Variants in CCDC144A observed in about 807,000 individuals in gnomAD.
CCDC144A encodes the protein coiled-coil domain containing 144A.
CCDC144A carries 41 observed loss-of-function variants against 143.8 expected under a neutral mutation model. That is an observed-to-expected ratio of 0.29 (90% CI 0.22 to 0.37). The LOEUF (loss-of-function observed/expected upper bound fraction) is 0.37. CCDC144A is among the 10% of genes least tolerant of loss of function. CCDC144A has a pLI of 1.00. For synonymous variants in CCDC144A, 242 were observed against 517.9 expected (o/e 0.47, Z 7.23); for missense variants, 637 against 1,488.8 (o/e 0.43, Z 9.41).
At position 16,709,588 on chromosome 17, in the gene CCDC144A, G is replaced by A; in HGVS notation, c.1531G>A (p.Glu511Lys). The change falls in exon 5 of 17, where the codon GAA becomes AAA. Residue 511 changes from glutamate to lysine, a missense_variant. Transcript: ENST00000399273. ...TAAGAATGAGGTCAACACATTAGAA[G>A]AAGAGTTCCTGGCTTTGAAGAAAGA... ...KFKNEVNTLE[E>K]EFLALKKEDV... 1.9e-6 allele frequency: 3 copies of A among 1,611,586 alleles called. No individual in the cohort carries two copies. The highest frequency in any genetic ancestry group is 1.1e-5 in the South Asian group (1 of 90,936).
Position 16,730,558 on chromosome 17 carries a change from A to C in CCDC144A, c.2106-1242A>C, listed in dbSNP as rs1033666866. ...GGTATGTTAATAGGAATTGCATGGA[A>C]TCTGTAGATTGCTTTGGTTAATATG... On this transcript the variant is annotated intron_variant, in intron 9 of 16. Transcript: ENST00000399273. Among the ~76,000 whole-genome samples the C allele has an allele frequency of 2.3e-5, 3 of 129,380 alleles. 1 individual carries two copies. Among genetic ancestry groups the C allele is most frequent in the African/African-American group, 1.1e-4 (3 of 28,468 alleles). The allele number at this position is 129,380 out of a possible 152,430, so 84.9% of individuals were successfully genotyped here.
chr17:16,757,208 G>A (rs567516198), intron 12 of CCDC144A, among the ~76,000 whole-genome samples: 7 of 152,360 alleles, frequency 4.6e-5, no homozygotes, highest in East Asian at 1.9e-4. Context: ...GCTGGGGGCC[G>A]GACCTTGGAT....
chr17:16,677,492 G>C, the CCDC144A span, among the ~76,000 whole-genome samples: 1 of 152,062 alleles, frequency 6.6e-6, no homozygotes, highest in African/African-American at 2.4e-5. Context: ...AATTCCCTAT[G>C]TGATGGTCTT....
chr17:16,735,085 T>C lies in CCDC144A; in HGVS notation c.2814T>C (p.Leu938=). The C allele has an allele frequency of 6.3e-7, 1 of 1,592,164 alleles. No homozygotes were observed. Among genetic ancestry groups the C allele is most frequent in the Middle Eastern group, 2.2e-4 (1 of 4,538 alleles). ...GTCAGACAGCAAGAGACCTAAAACT[T>C]GATTTCCAGAGAACAAGACAAGAGT... The part of the protein sequence containing the change: ...DQSQTARDLK[L]DFQRTRQEWV... The change falls in exon 12 of 17, where the codon CTT becomes CTC. Residue 938 remains leucine, a synonymous_variant. Transcript: ENST00000399273.
chr17:16,729,137 C>T (rs892212242), intron 9 of CCDC144A, among the ~76,000 whole-genome samples: 2 of 152,046 alleles, frequency 1.3e-5, no homozygotes, highest in Admixed American at 1.3e-4. Context: ...AATGGTAGCT[C>T]TATTTTAGTT....
At chr17:16,725,002 A>ATTTTTT (rs1167527388) in intron 8 of CCDC144A, among the ~76,000 whole-genome samples, 89 of 37,282 alleles carry the variant, frequency 2.4e-3, no homozygotes, top group East Asian at 7.0e-3. Flanking sequence ...ATAGCTGGTA[A>ATTTTTT]TTTTTTTTTT....
intron 6 of CCDC144A, among the ~76,000 whole-genome samples, chr17:16,719,520 A>G (rs2143175077): frequency 6.6e-6 from 1 of 152,314 alleles, no homozygotes; most frequent in Non-Finnish European, 1.5e-5. Context: ...ATCATGAAGC[A>G]CATGTTTTTG....
intron 12 of CCDC144A, chr17:16,746,055 G>A: frequency 6.2e-7 from 1 of 1,609,614 alleles, no homozygotes; most frequent in African/African-American, 1.3e-5. Flanking sequence ...GCTGTGTGAC[G>A]TCTCCTGGGG....
At chr17:16,767,467 G>A (rs1374507831) in intron 15 of CCDC144A, among the ~76,000 whole-genome samples, 12 of 148,622 alleles carry the variant, frequency 8.1e-5, no homozygotes, top group Non-Finnish European at 1.8e-4. Flanking sequence ...ATACAAGGAG[G>A]AGGAGGTAAC....
At chr17:16,770,147 TTTATTA>T (rs1188985613) in intron 15 of CCDC144A, among the ~76,000 whole-genome samples, 1 of 151,316 alleles carries the variant, frequency 6.6e-6, no homozygotes, top group African/African-American at 2.4e-5. Flanking sequence ...TTTTTTTATT[TTTATTA>T]TTATTATTAT....
chr17:16,713,980 T>G (rs899307040), intron 6 of CCDC144A, among the ~76,000 whole-genome samples: 1 of 152,176 alleles, frequency 6.6e-6, no homozygotes, highest in African/African-American at 2.4e-5. Flanking sequence ...AGTTTACCAT[T>G]GATTTGTAAA....
intron 8 of CCDC144A, among the ~76,000 whole-genome samples, chr17:16,722,562 G>T (rs559838811): frequency 6.6e-6 from 1 of 152,088 alleles, no homozygotes; most frequent in Admixed American, 6.5e-5. Context: ...TTCAGTCTCG[G>T]TGTCTTATAT....
chr17:16,769,191 G>A (rs1489704266), intron 15 of CCDC144A, among the ~76,000 whole-genome samples: 3 of 152,132 alleles, frequency 2.0e-5, no homozygotes, highest in Non-Finnish European at 2.9e-5. Context: ...TCATGTCACT[G>A]TGGGCAGACA....
At chr17:16,672,074 G>C in the CCDC144A span, among the ~76,000 whole-genome samples, 13 of 152,102 alleles carry the variant, frequency 8.5e-5, no homozygotes, top group African/African-American at 3.1e-4. Flanking sequence ...CCCCAACCAT[G>C]CCACTTCCCA....
Position 16,728,555 on chromosome 17 carries a change from A to G in CCDC144A, c.2105+815A>G, listed in dbSNP as rs1241207529. 3.9e-5 allele frequency among the ~76,000 whole-genome samples: 6 copies of G among 152,338 alleles called. 1 individual carries two copies. The South Asian group carries it at 6.2e-4, about 16-fold the overall frequency. ...TTCTAAACCCAAAGTAATTTTCAAA[A>G]AATTTATACAGTTTTATTCTTTTTG... On this transcript the variant is annotated intron_variant, in intron 9 of 16. Transcript: ENST00000399273.
intron 3 of CCDC144A, 63 bp downstream of exon 3, chr17:16,705,462 G>T (rs1464963428): frequency 4.9e-6 from 3 of 610,966 alleles, no homozygotes; most frequent in Non-Finnish European, 8.9e-6. Context: ...TAGAGCTATA[G>T]TTCTGACTTA....
intron 8 of CCDC144A, among the ~76,000 whole-genome samples, chr17:16,723,716 C>T (rs1597559000): frequency 6.6e-6 from 1 of 152,134 alleles, no homozygotes; most frequent in Admixed American, 6.5e-5. Context: ...GCACTAATCC[C>T]ACTAATGAGG....
At chr17:16,693,328 T>G (rs1911201053) in intron 2 of CCDC144A, among the ~76,000 whole-genome samples, 1 of 151,784 alleles carries the variant, frequency 6.6e-6, no homozygotes, top group Non-Finnish European at 1.5e-5. Context: ...TTTTTTTTGT[T>G]TTTTTTTTGA....
At chr17:16,702,057 T>C (rs1203274525) in intron 2 of CCDC144A, among the ~76,000 whole-genome samples, 3 of 152,200 alleles carry the variant, frequency 2.0e-5, no homozygotes, top group South Asian at 2.1e-4. Context: ...TATTATAATA[T>C]GGCTCATCTA....
Sources: allele counts gnomAD v4.1 joint callset (sites outside exome capture counted in the v4.1 genomes callset), GRCh38; gene constraint gnomAD v4.1.1; transcripts MANE v1.5; gene names NCBI Gene and HGNC (gene_info 2026-07-23, HGNC 2026-07-21).